Variants in LRRC7 observed in about 807,000 individuals in gnomAD.
LRRC7 encodes the protein leucine rich repeat containing 7.
In LRRC7, 23 loss-of-function variants were observed where a neutral mutation model predicts 175.7. That is an observed-to-expected ratio of 0.13 (90% CI 0.09 to 0.19). The LOEUF is 0.19. Among genes scored for constraint, LRRC7 ranks in the 10% least tolerant of loss-of-function variants. LRRC7 has a pLI of 1.00. For synonymous variants in LRRC7, 685 were observed against 680.9 expected, an observed-to-expected ratio of 1.01 and a Z score of -0.09; for missense variants, 1,354 against 1,904.7, an observed-to-expected ratio of 0.71 and a Z score of 5.38.
intron 1 of LRRC7, among the ~76,000 whole-genome samples, chr1:69,674,363 G>C (rs1659505055): frequency 6.6e-6 from 1 of 152,108 alleles, no homozygotes. Context: ...AAGTCACTGA[G>C]CATATCTGGG....
intron 4 of LRRC7, among the ~76,000 whole-genome samples, chr1:69,813,448 C>T (rs1386584921): frequency 6.6e-6 from 1 of 152,086 alleles, no homozygotes; most frequent in African/African-American, 2.4e-5. Context: ...GTTCTGGGGA[C>T]AATTTCATAT....
intron 1 of LRRC7, among the ~76,000 whole-genome samples, chr1:69,588,579 C>G (rs1646495259): frequency 6.6e-6 from 1 of 152,050 alleles, no homozygotes; most frequent in South Asian, 2.1e-4. Context: ...TGGATTCTAA[C>G]CATGCCAAGT....
chr1:69,656,929 T>C (rs1046059415), intron 1 of LRRC7, among the ~76,000 whole-genome samples: 1 of 151,216 alleles, frequency 6.6e-6, no homozygotes, highest in Non-Finnish European at 1.5e-5. Flanking sequence ...TAATCCCTTA[T>C]TACATTATAA....
intron 17 of LRRC7, among the ~76,000 whole-genome samples, chr1:70,025,270 TATTA>T (rs899856377): frequency 4.0e-5 from 6 of 150,460 alleles, no homozygotes; most frequent in Non-Finnish European, 8.9e-5. Flanking sequence ...AGTGTATAAA[TATTA>T]ATTTATATTT....
intron 2 of LRRC7, among the ~76,000 whole-genome samples, chr1:69,706,375 A>C (rs1348525933): frequency 6.6e-6 from 1 of 152,134 alleles, no homozygotes; most frequent in Non-Finnish European, 1.5e-5. Flanking sequence ...TCAGAAACAG[A>C]GTCTAGCATT....
intron 7 of LRRC7, among the ~76,000 whole-genome samples, chr1:69,859,837 C>T (rs1160472979): frequency 2.0e-5 from 3 of 151,834 alleles, no homozygotes; most frequent in Non-Finnish European, 4.4e-5. Context: ...GAAAACTTTC[C>T]TAGAGAACTT....
chr1:69,663,938 G>C (rs1315577441), intron 1 of LRRC7, among the ~76,000 whole-genome samples: 1 of 150,964 alleles, frequency 6.6e-6, no homozygotes, highest in East Asian at 2.0e-4. Context: ...AGCCAGGATG[G>C]TCTCGATCTC....
chr1:69,853,270 CTTTTTTTTTT>C (rs1163071175), intron 7 of LRRC7, among the ~76,000 whole-genome samples: 1 of 88,012 alleles, frequency 1.1e-5, no homozygotes, highest in African/African-American at 4.5e-5. Flanking sequence ...TCCTTTCTTT[CTTTTTTTTTT>C]TTTTTTTTTT....
chr1:70,044,261 G>A (rs1054449425), intron 22 of LRRC7, among the ~76,000 whole-genome samples, 167 bp downstream of exon 22: 1 of 152,184 alleles, frequency 6.6e-6, no homozygotes, highest in Non-Finnish European at 1.5e-5. Flanking sequence ...GCCGCTAAAT[G>A]AATATTTGTA....
At chr1:69,919,836 A>C in intron 7 of LRRC7, 1 of 719,646 alleles carries the variant, frequency 1.4e-6, no homozygotes, top group African/African-American at 1.8e-5. Context: ...GTCCGCACGG[A>C]GTGAGGATTG....
At chr1:69,949,841 A>G (rs959834115) in intron 8 of LRRC7, among the ~76,000 whole-genome samples, 7 of 152,118 alleles carry the variant, frequency 4.6e-5, no homozygotes, top group Admixed American at 1.3e-4. Flanking sequence ...TTTGGTACTC[A>G]TTAAAAAAGC....
At position 70,111,226 on chromosome 1, in the gene LRRC7, T is replaced by G. The variant is rs146513465; in HGVS notation, c.4620+3400T>G. Among the ~76,000 whole-genome samples, 29 of 152,368 alleles carry G rather than the reference T, an allele frequency of 1.9e-4. No individual in the cohort carries two copies. The East Asian group carries it at 4.4e-3, about 23-fold the overall frequency. On this transcript the variant is annotated intron_variant, in intron 26 of 26. Transcript: ENST00000651989. ...ATCTCTTTCTTTCTCTATAATTCTTTATACCATCCACTCTTTTCTTCTTCA... is the reference window on the plus strand; with the variant it reads ...ATCTCTTTCTTTCTCTATAATTCTTGATACCATCCACTCTTTTCTTCTTCA...
chr1:69,639,277 T>A (rs1570105607), intron 1 of LRRC7, among the ~76,000 whole-genome samples: 1 of 151,880 alleles, frequency 6.6e-6, no homozygotes, highest in African/African-American at 2.4e-5. Context: ...AATGGTGTTT[T>A]TGTATTGTAT....
chr1:69,900,535 A>G (rs1646105814), intron 7 of LRRC7, among the ~76,000 whole-genome samples: 1 of 152,088 alleles, frequency 6.6e-6, no homozygotes, highest in Non-Finnish European at 1.5e-5. Context: ...CTTATTTTTG[A>G]TCTATAAAAA....
intron 1 of LRRC7, among the ~76,000 whole-genome samples, chr1:69,591,955 A>G (rs1004825516): frequency 6.6e-6 from 1 of 152,028 alleles, no homozygotes; most frequent in Non-Finnish European, 1.5e-5. Context: ...CATTTATTCA[A>G]AAATATATTA....
At chr1:69,614,660 C>T (rs1649338577) in intron 1 of LRRC7, among the ~76,000 whole-genome samples, 1 of 152,062 alleles carries the variant, frequency 6.6e-6, no homozygotes, top group East Asian at 1.9e-4. Context: ...TGTTTCCTTT[C>T]TTGGCACTGA....
At chr1:69,922,203 G>A (rs1646911880) in intron 7 of LRRC7, among the ~76,000 whole-genome samples, 1 of 152,190 alleles carries the variant, frequency 6.6e-6, no homozygotes, top group Non-Finnish European at 1.5e-5. Flanking sequence ...TGGGATTACA[G>A]GCATGAGCCA....
chr1:69,648,372 C>T (rs1203551002), intron 1 of LRRC7, among the ~76,000 whole-genome samples: 3 of 152,008 alleles, frequency 2.0e-5, no homozygotes, highest in East Asian at 3.9e-4. Context: ...GGCCTAAGAA[C>T]GACATACTCA....
At chr1:70,018,682 A>G (rs780287583) in intron 14 of LRRC7, 37 bp from the exon 15 acceptor site, 21 of 1,449,900 alleles carry the variant, frequency 1.4e-5, no homozygotes, top group Non-Finnish European at 1.8e-5. Flanking sequence ...TATATTTGCA[A>G]TTGTATTCAT....
Sources: allele counts gnomAD v4.1 joint callset (sites outside exome capture counted in the v4.1 genomes callset), GRCh38; gene constraint gnomAD v4.1.1; transcripts MANE v1.5; gene names NCBI Gene and HGNC (gene_info 2026-07-23, HGNC 2026-07-21).